ANHX: variants seen among roughly 807,000 people sequenced by gnomAD.
ANHX encodes the protein anomalous homeobox protein.
A neutral mutation model predicts 38.9 loss-of-function variants in ANHX; 20 were observed. The observed-to-expected ratio is 0.51, with a 90% CI of 0.36 to 0.75. ANHX has a LOEUF of 0.75. Ranked by LOEUF, ANHX falls within the 30% of genes least tolerant of loss-of-function variation. ANHX has a pLI of 0.00. For missense variants in ANHX, 475 were observed against 493.1 expected, an observed-to-expected ratio of 0.96 and a Z score of 0.35; for synonymous variants, 185 against 203.1, an observed-to-expected ratio of 0.91 and a Z score of 0.76.
intron 9 of ANHX, 33 bp downstream of exon 9, chr12:133,219,250 G>A: frequency 6.6e-7 from 1 of 1,508,764 alleles, no homozygotes. Context: ...GGAGTAAAGA[G>A]GGAATCCTTC....
Position 133,221,435 on chromosome 12 carries a change from G to A in ANHX, c.1133-83C>T, listed in dbSNP as rs930791138. The A allele has an allele frequency of 1.7e-5, 24 of 1,437,480 alleles. No homozygotes were observed. The highest frequency in any genetic ancestry group is 2.8e-5 in the African/African-American group (2 of 70,250). The allele number at this position is 1,437,480 out of a possible 1,614,324, so 89.0% of individuals were successfully genotyped here. On this transcript the variant is annotated intron_variant, in intron 7 of 9. Coordinates refer to ENST00000545940, the MANE Select transcript of ANHX (RefSeq NM_001372060.1). The surrounding 1 kb of genome is among the most constrained non-coding windows in gnomAD (Gnocchi z 4.1). ...TGACACAACCAAGACCTCAAAGCAC[G>A]GAGGCGGATGCAGCCTCCGGCCCAG... is the stretch of plus-strand genomic sequence containing the variant.
intron 7 of ANHX, among the ~76,000 whole-genome samples, chr12:133,224,539 T>C (rs567789893): frequency 2.6e-5 from 4 of 151,662 alleles, no homozygotes; most frequent in African/African-American, 9.7e-5. Context: ...GGCAGGTGCC[T>C]GTAGTTCTAC....
chr12:133,228,227 G>C (rs1957217268), intron 3 of ANHX, among the ~76,000 whole-genome samples: 1 of 152,098 alleles, frequency 6.6e-6, no homozygotes, highest in African/African-American at 2.4e-5. Flanking sequence ...AGCCCCGATG[G>C]ATGGCCCTCC....
intron 2 of ANHX, among the ~76,000 whole-genome samples, chr12:133,232,643 C>T (rs982039924): frequency 6.6e-6 from 1 of 152,238 alleles, no homozygotes; most frequent in Non-Finnish European, 1.5e-5. Flanking sequence ...AGCCGCAAGT[C>T]ACCTCCTCAG....
intron 2 of ANHX, among the ~76,000 whole-genome samples, chr12:133,232,570 C>A (rs1223408239): frequency 2.0e-5 from 3 of 152,176 alleles, no homozygotes. Context: ...CAGGAACACC[C>A]TGCACAGGCT....
chr12:133,235,174 C>T (rs1957349656), intron 1 of ANHX: 1 of 152,232 alleles, frequency 6.6e-6, no homozygotes, highest in African/African-American at 2.4e-5. Flanking sequence ...TCTGAGTTTC[C>T]AGCTGCCACA....
intron 3 of ANHX, among the ~76,000 whole-genome samples, chr12:133,228,906 T>C (rs1957229912): frequency 6.6e-6 from 1 of 152,202 alleles, no homozygotes; most frequent in Admixed American, 6.5e-5. Context: ...ACTGTCTCCT[T>C]GTCTCTGTGA....
chr12:133,227,186 T>TC, intron 4 of ANHX, 34 bp from the exon 5 acceptor site: 1 of 1,515,560 alleles, frequency 6.6e-7, no homozygotes, highest in East Asian at 2.5e-5. Flanking sequence ...TAGCCCTGCT[T>TC]CCATTCCCTG....
intron 8 of ANHX, among the ~76,000 whole-genome samples, chr12:133,219,891 G>C (rs1272037871): frequency 6.6e-6 from 1 of 152,122 alleles, no homozygotes; most frequent in Non-Finnish European, 1.5e-5. Flanking sequence ...GCACATCCAC[G>C]CAATGGCACG....
chr12:133,224,781 G>T lies in ANHX; in HGVS notation c.1132+755C>A, dbSNP rs142670699. 4.8e-3 allele frequency among the ~76,000 whole-genome samples: 721 copies of T among 150,606 alleles called. 8 individuals carry two copies. The highest frequency in any genetic ancestry group is 7.2e-3 in the Non-Finnish European group (485 of 67,718). ...GAGATCAAGACCATCCTGGCTAACA[G>T]GGTGAAACCCCGTCTCTACTAAAAA... On this transcript the variant is annotated intron_variant, in intron 7 of 9. Transcript: ENST00000545940.
Position 133,221,536 on chromosome 12 carries a change from C to A in ANHX, c.1133-184G>T, listed in dbSNP as rs541977818. ...CTCTCTGAGGAAGGAACTGTCACAA[C>A]CATTGATCTCAACAGCCTTCCAGGC... On this transcript the variant is annotated intron_variant, in intron 7 of 9. Transcript: ENST00000545940. The surrounding 1 kb of genome is among the most constrained non-coding windows in gnomAD (Gnocchi z 4.1). Among the ~76,000 whole-genome samples the A allele has an allele frequency of 2.0e-5, 3 of 152,320 alleles. No homozygotes were observed. In the East Asian group the frequency reaches 5.8e-4, roughly 29 times the overall value.
At chr12:133,227,179 C>T (rs749980275) in intron 4 of ANHX, 27 bp from the exon 5 acceptor site, 21 of 1,520,378 alleles carry the variant, frequency 1.4e-5, no homozygotes, top group South Asian at 3.7e-5. Context: ...AGACTTCTAG[C>T]CCTGCTTCCA....
rs945435560 is a variant in ANHX, at chr12:133,221,662, C to T, written c.1133-310G>A. On this transcript the variant is annotated intron_variant, in intron 7 of 9. Transcript: ENST00000545940. The surrounding 1 kb of genome is among the most constrained non-coding windows in gnomAD (Gnocchi z 4.1). The stretch of plus-strand genomic sequence containing the variant: ...GCCAGTCAGAGTCTGCAGCTTGCTC[C>T]GTCCTGCTGGTGCGGAAGGATGTGC... 9.2e-5 allele frequency among the ~76,000 whole-genome samples: 14 copies of T among 152,170 alleles called. No homozygotes were observed. The highest frequency in any genetic ancestry group is 3.1e-4 in the African/African-American group (13 of 41,444).
At position 133,218,542 on chromosome 12, in the gene ANHX, G is replaced by A. The variant is rs552691336; in HGVS notation, c.*343C>T. On this transcript the variant is annotated 3_prime_UTR_variant, in exon 10 of 10. Transcript: ENST00000545940. ...AGTCTGGCTGTGTGCACGGGCAGAC[G>A]GCAAGGCAGCCAGCAGCAGAACACT... is the stretch of plus-strand genomic sequence containing the variant. 1.8e-4 allele frequency: 34 copies of A among 184,762 alleles called. No individual in the cohort carries two copies. The South Asian group carries it at 2.6e-3, about 14-fold the overall frequency. 11.4% of individuals were successfully genotyped at this position (184,762 alleles called of 1,614,324 possible).
chr12:133,222,390 G>T (rs975965158), intron 7 of ANHX, among the ~76,000 whole-genome samples: 48 of 152,238 alleles, frequency 3.2e-4, no homozygotes, highest in African/African-American at 1.0e-3. Flanking sequence ...AGCTCGGGAG[G>T]GAGAGCATCC....
chr12:133,224,962 C>CAAAA (rs556045604), intron 7 of ANHX, among the ~76,000 whole-genome samples: 1 of 87,292 alleles, frequency 1.1e-5, no homozygotes, highest in Non-Finnish European at 2.1e-5. Flanking sequence ...GACTCCGTCT[C>CAAAA]AAAAAAAAAA....
chr12:133,221,073 T>G lies in ANHX; in HGVS notation c.1280+132A>C. The G allele has an allele frequency of 8.2e-7, 1 of 1,220,354 alleles. No homozygotes were observed. Among genetic ancestry groups the G allele is most frequent in the Non-Finnish European group, 1.1e-6 (1 of 909,780 alleles). 75.6% of individuals were successfully genotyped at this position (1,220,354 alleles called of 1,614,324 possible). A position where few individuals can be genotyped will look rare whatever the true frequency, so the allele number is the denominator to read the frequency against. ...ATAGGTGTAGGCTTGTGGGGACTGTTACAGTTTTCAGCAATCCAAAGGAGA... is the reference window on the plus strand; with the variant it reads ...ATAGGTGTAGGCTTGTGGGGACTGTGACAGTTTTCAGCAATCCAAAGGAGA... On this transcript the variant is annotated intron_variant, in intron 8 of 9. Coordinates refer to ENST00000545940, the MANE Select transcript of ANHX (RefSeq NM_001372060.1). The surrounding 1 kb of genome is among the most constrained non-coding windows in gnomAD (Gnocchi z 4.1).
intron 3 of ANHX, 31 bp downstream of exon 3, chr12:133,231,486 A>G (rs1465587032): frequency 1.3e-6 from 2 of 1,535,670 alleles, no homozygotes; most frequent in African/African-American, 1.4e-5. Context: ...GATCCCCATG[A>G]AATATGCACA....
chr12:133,221,212 T>G lies in ANHX; in HGVS notation c.1273A>C (p.Thr425Pro). 1 of 1,535,852 alleles carries G rather than the reference T, an allele frequency of 6.5e-7. No homozygotes were observed. Among genetic ancestry groups the G allele is most frequent in the Non-Finnish European group, 8.7e-7 (1 of 1,146,848 alleles). The part of the protein sequence containing the change: ...PPLQAPEFIL[T>P]QSPPELAPAP... The stretch of plus-strand genomic sequence containing the variant: ...TGGCTCTTCAGGGCTTACCTCTGGG[T>G]GAGGATGAATTCAGGAGCTTGCAGT... Residue 425 changes from threonine (T) to proline (P), a missense_variant, in exon 8 of 10, where the codon ACC becomes CCC. Coordinates refer to ENST00000545940, the MANE Select transcript of ANHX (RefSeq NM_001372060.1). The surrounding 1 kb of genome is among the most constrained non-coding windows in gnomAD (Gnocchi z 4.1).
Sources: allele counts gnomAD v4.1 joint callset (sites outside exome capture counted in the v4.1 genomes callset), GRCh38; gene constraint gnomAD v4.1.1; non-coding constraint Gnocchi (gnomAD v3.1); transcripts MANE v1.5; gene names NCBI Gene and HGNC (gene_info 2026-07-23, HGNC 2026-07-21).